ANKS1B: variants seen among roughly 807,000 people sequenced by gnomAD.
ANKS1B encodes the protein ankyrin repeat and sterile alpha motif domain-containing protein 1B.
ANKS1B carries 36 observed loss-of-function variants against 148.3 expected under a neutral mutation model. The observed-to-expected ratio is 0.24, with a 90% CI of 0.19 to 0.32. The LOEUF (loss-of-function observed/expected upper bound fraction) is 0.32, where lower values mean the gene tolerates loss of function less well. Among genes scored for constraint, ANKS1B ranks in the 10% least tolerant of loss-of-function variants. The probability of loss-of-function intolerance (pLI) is 1.00; values close to 1 mark genes in which losing one functional copy is unlikely to be tolerated. For synonymous variants in ANKS1B, 542 were observed against 560.8 expected (o/e 0.97, Z 0.47); for missense variants, 1,157 against 1,542.6 (o/e 0.75, Z 4.19).
intron 17 of ANKS1B, among the ~76,000 whole-genome samples, chr12:98,910,822 T>G (rs2099785759): frequency 6.6e-6 from 1 of 152,194 alleles, no homozygotes; most frequent in Non-Finnish European, 1.5e-5. Context: ...TTAGTGTGGT[T>G]TTGTTGATCA....
intron 3 of ANKS1B, 70 bp downstream of exon 3, chr12:99,812,085 C>G: frequency 1.3e-6 from 2 of 1,505,110 alleles, no homozygotes; most frequent in Non-Finnish European, 1.8e-6. Context: ...AAAAAAATCA[C>G]ATTTTCAATA....
chr12:99,918,167 G>A (rs370424339), intron 1 of ANKS1B, among the ~76,000 whole-genome samples: 4 of 152,198 alleles, frequency 2.6e-5, no homozygotes, highest in South Asian at 2.1e-4. Flanking sequence ...GCTCTACAGC[G>A]CAGTAGATGA....
chr12:99,842,929 T>C (rs2085997233), intron 1 of ANKS1B, among the ~76,000 whole-genome samples: 1 of 152,194 alleles, frequency 6.6e-6, no homozygotes, highest in Non-Finnish European at 1.5e-5. Flanking sequence ...GTTCGTCTAC[T>C]TCATTCGCAA....
At chr12:99,527,155 T>C (rs1395046197) in intron 9 of ANKS1B, among the ~76,000 whole-genome samples, 2 of 152,294 alleles carry the variant, frequency 1.3e-5, no homozygotes, top group African/African-American at 4.8e-5. Flanking sequence ...TGTTAAGGTA[T>C]GCAGTTTGTA....
intron 3 of ANKS1B, among the ~76,000 whole-genome samples, chr12:99,808,843 G>C (rs922772481): frequency 1.3e-5 from 2 of 152,050 alleles, no homozygotes; most frequent in Non-Finnish European, 2.9e-5. Context: ...AGAGCCCTGA[G>C]CCTAGGAAAT....
At chr12:99,450,098 T>C (rs1406877952) in intron 10 of ANKS1B, among the ~76,000 whole-genome samples, 1 of 152,112 alleles carries the variant, frequency 6.6e-6, no homozygotes, top group Non-Finnish European at 1.5e-5. Context: ...AAGTTGATGC[T>C]GTAAATTCTA....
intron 1 of ANKS1B, among the ~76,000 whole-genome samples, chr12:99,944,276 C>T (rs2094997942): frequency 6.6e-6 from 1 of 152,138 alleles, no homozygotes; most frequent in Non-Finnish European, 1.5e-5. Context: ...GCAAGTTTGC[C>T]CCTGTGGCTG....
In ANKS1B at chr12:98,880,134, T is replaced by C. The variant is rs948344142; in HGVS notation, c.2779-47998A>G. 5.9e-5 allele frequency among the ~76,000 whole-genome samples: 9 copies of C among 152,350 alleles called. No individual in the cohort carries two copies. In the South Asian group the frequency reaches 8.3e-4, roughly 14 times the overall value. On this transcript the variant is annotated intron_variant, in intron 17 of 26. Coordinates refer to ENST00000683438, the MANE Select transcript of ANKS1B (RefSeq NM_001352186.2). ...CTTCGGAAAGCTACAAAATCAATCC[T>C]GAAAGTTTTATCTCCCATGGCGACA...
chr12:99,879,365 C>T (rs963330734), intron 1 of ANKS1B, among the ~76,000 whole-genome samples: 2 of 152,234 alleles, frequency 1.3e-5, no homozygotes, highest in African/African-American at 4.8e-5. Flanking sequence ...TTTGCAGTCT[C>T]TCAGGTTCAG....
At chr12:98,859,367 C>T (rs2099587428) in intron 17 of ANKS1B, among the ~76,000 whole-genome samples, 1 of 152,162 alleles carries the variant, frequency 6.6e-6, no homozygotes, top group African/African-American at 2.4e-5. Context: ...AAAAGACTAA[C>T]AATTTTAAAC....
At chr12:99,780,284 T>C (rs1021211768) in intron 5 of ANKS1B, among the ~76,000 whole-genome samples, 1 of 150,480 alleles carries the variant, frequency 6.6e-6, no homozygotes, top group Non-Finnish European at 1.5e-5. Context: ...TATGATATCT[T>C]TTTTTTTTTG....
chr12:99,831,184 G>A (rs1348194849), intron 1 of ANKS1B, among the ~76,000 whole-genome samples: 1 of 145,186 alleles, frequency 6.9e-6, no homozygotes, highest in East Asian at 2.1e-4. Context: ...TAAAAATGTT[G>A]AGTACATATA....
In ANKS1B at chr12:99,321,433, G is replaced by A. The variant is rs372033540; in HGVS notation, c.1757-74569C>T. Among the ~76,000 whole-genome samples, 355 of 152,276 alleles carry A rather than the reference G, an allele frequency of 2.3e-3. 6 individuals carry two copies. In the South Asian group the frequency reaches 0.037, roughly 16 times the overall value. On this transcript the variant is annotated intron_variant, in intron 12 of 26. Transcript: ENST00000683438. ...ACGCCCCTCCCCCAGCCTCGCTGCC[G>A]CCTTGCAGTTCAATCTCAGACTGCT...
chr12:98,998,878 A>G (rs1476215861), intron 17 of ANKS1B, among the ~76,000 whole-genome samples: 1 of 152,206 alleles, frequency 6.6e-6, no homozygotes, highest in Non-Finnish European at 1.5e-5. Flanking sequence ...TTAGAAGAAC[A>G]CTAGAACCAC....
At chr12:99,342,757 A>G (rs1357820072) in intron 12 of ANKS1B, among the ~76,000 whole-genome samples, 1 of 152,094 alleles carries the variant, frequency 6.6e-6, no homozygotes, top group African/African-American at 2.4e-5. Flanking sequence ...CCATTTGTCT[A>G]ACACCTAAAA....
At chr12:99,978,799 G>GCTC in intron 1 of ANKS1B, among the ~76,000 whole-genome samples, 1 of 152,194 alleles carries the variant, frequency 6.6e-6, no homozygotes, top group Admixed American at 6.5e-5. Flanking sequence ...AGATTGTTTT[G>GCTC]CTCCACTTCT....
chr12:98,855,748 C>T (rs2099567787), intron 17 of ANKS1B, among the ~76,000 whole-genome samples: 1 of 148,498 alleles, frequency 6.7e-6, no homozygotes, highest in African/African-American at 2.5e-5. Flanking sequence ...TGGCTCTTGG[C>T]CAGTGATTTT....
At chr12:99,274,862 C>T (rs1054109735) in intron 12 of ANKS1B, among the ~76,000 whole-genome samples, 3 of 152,154 alleles carry the variant, frequency 2.0e-5, no homozygotes, top group African/African-American at 7.2e-5. Context: ...GTGGTTAATG[C>T]TGGCTTTCAA....
chr12:98,992,857 G>T lies in ANKS1B; in HGVS notation c.2778+60300C>A, dbSNP rs374044325. Among the ~76,000 whole-genome samples, 14 of 152,226 alleles carry T rather than the reference G, an allele frequency of 9.2e-5. No individual in the cohort carries two copies. The South Asian group carries it at 2.9e-3, about 32-fold the overall frequency. On this transcript the variant is annotated intron_variant, in intron 17 of 26. Coordinates refer to ENST00000683438, the MANE Select transcript of ANKS1B (RefSeq NM_001352186.2). Reference sequence around the variant, plus strand: ...TCTGTTTCTCTTCACTAGAATGAAAGCTCCACGAGCAAGGATCTATGATGC... The same window carrying T: ...TCTGTTTCTCTTCACTAGAATGAAATCTCCACGAGCAAGGATCTATGATGC...
Sources: allele counts gnomAD v4.1 joint callset (sites outside exome capture counted in the v4.1 genomes callset), GRCh38; gene constraint gnomAD v4.1.1; transcripts MANE v1.5; gene names NCBI Gene and HGNC (gene_info 2026-07-23, HGNC 2026-07-21).